Variants in CDH13 observed in about 807,000 individuals in gnomAD.
CDH13 encodes the protein cadherin-13.
A neutral mutation model predicts 63.8 loss-of-function variants in CDH13; 24 were observed. The ratio of observed to expected loss-of-function variants is 0.38; its 90% CI spans 0.27 to 0.53. The LOEUF is 0.53. CDH13 is among the 20% of genes least tolerant of loss of function. The probability of loss-of-function intolerance (pLI) is 0.85; values close to 1 mark genes in which losing one functional copy is unlikely to be tolerated. For synonymous variants in CDH13, 503 were observed against 355.3 expected, an observed-to-expected ratio of 1.42 and a Z score of -4.67; for missense variants, 1,049 against 903.1, an observed-to-expected ratio of 1.16 and a Z score of -2.07.
At chr16:82,729,502 T>C (rs1303233538) in intron 1 of CDH13, among the ~76,000 whole-genome samples, 1 of 152,112 alleles carries the variant, frequency 6.6e-6, no homozygotes, top group Non-Finnish European at 1.5e-5. Context: ...TTTTTTTTTT[T>C]CTGAGCAGTA....
intron 10 of CDH13, among the ~76,000 whole-genome samples, chr16:83,737,591 G>C (rs1911656868): frequency 6.6e-6 from 1 of 152,094 alleles, no homozygotes; most frequent in African/African-American, 2.4e-5. Flanking sequence ...AAGCCCAGCT[G>C]TGGGACATAG....
chr16:83,197,678 G>A (rs778823041), intron 4 of CDH13, among the ~76,000 whole-genome samples: 28 of 152,142 alleles, frequency 1.8e-4, no homozygotes, highest in Non-Finnish European at 2.8e-4. Flanking sequence ...AAGGATCCCA[G>A]TGGGGATGGA....
intron 2 of CDH13, among the ~76,000 whole-genome samples, chr16:82,925,638 C>G (rs900853389): frequency 6.6e-6 from 1 of 152,172 alleles, no homozygotes; most frequent in Non-Finnish European, 1.5e-5. Context: ...TGAACACTGC[C>G]TACCAACATG....
At chr16:83,145,991 C>T (rs1028276894) in intron 4 of CDH13, among the ~76,000 whole-genome samples, 2 of 151,950 alleles carry the variant, frequency 1.3e-5, no homozygotes, top group Non-Finnish European at 2.9e-5. Context: ...GTCGGGAGTT[C>T]GGGACCAACC....
chr16:83,381,467 G>A (rs1004047277), intron 6 of CDH13, among the ~76,000 whole-genome samples: 3 of 151,896 alleles, frequency 2.0e-5, no homozygotes, highest in Admixed American at 6.6e-5. Flanking sequence ...CACCGAGATC[G>A]CATCAGCAAG....
intron 8 of CDH13, among the ~76,000 whole-genome samples, chr16:83,629,985 A>G (rs1410645622): frequency 1.3e-5 from 2 of 152,258 alleles, no homozygotes; most frequent in Non-Finnish European, 2.9e-5. Flanking sequence ...CGTATTTCAT[A>G]GAGCCCTGAT....
At chr16:82,938,381 G>A (rs2042732960) in intron 2 of CDH13, among the ~76,000 whole-genome samples, 1 of 152,208 alleles carries the variant, frequency 6.6e-6, no homozygotes, top group African/African-American at 2.4e-5. Context: ...AATGATCAAT[G>A]TTTCTTTTAG....
chr16:83,272,616 G>T (rs962508765), intron 5 of CDH13, among the ~76,000 whole-genome samples: 2 of 152,138 alleles, frequency 1.3e-5, no homozygotes, highest in African/African-American at 4.8e-5. Flanking sequence ...GACCCACCAG[G>T]CTGCAGAGAG....
rs78416758 is a variant in CDH13, at chr16:83,365,165, C to G, written c.781+20159C>G. On this transcript the variant is annotated intron_variant, in intron 6 of 13. Coordinates refer to ENST00000567109, the MANE Select transcript of CDH13 (RefSeq NM_001257.5). ...GAGCCAGGAAAGCTGATGTGTGGCT[C>G]CAGTCTGAGTCTGAAGTCCTGAGAA... is the stretch of plus-strand genomic sequence containing the variant. Among the ~76,000 whole-genome samples the G allele has an allele frequency of 4.2e-3, 635 of 152,308 alleles. 2 individuals are homozygous for G. The highest frequency in any genetic ancestry group is 7.1e-3 in the Non-Finnish European group (481 of 68,028).
chr16:83,021,952 C>T (rs1042100954), intron 2 of CDH13, among the ~76,000 whole-genome samples: 10 of 152,122 alleles, frequency 6.6e-5, no homozygotes, highest in Admixed American at 1.3e-4. Flanking sequence ...TGGAATTGAA[C>T]GTATGTTAAT....
At chr16:83,441,216 T>C (rs2072470945) in intron 6 of CDH13, among the ~76,000 whole-genome samples, 1 of 152,240 alleles carries the variant, frequency 6.6e-6, no homozygotes, top group Admixed American at 6.5e-5. Context: ...CTGTCATTTG[T>C]TGGCACTCAA....
intron 6 of CDH13, among the ~76,000 whole-genome samples, chr16:83,362,786 C>T (rs566518568): frequency 2.0e-4 from 30 of 152,274 alleles, no homozygotes; most frequent in African/African-American, 6.7e-4. Flanking sequence ...TATACTTATT[C>T]GGCGGTCTCT....
intron 3 of CDH13, among the ~76,000 whole-genome samples, chr16:83,045,139 T>A (rs771759830): frequency 6.6e-6 from 1 of 152,274 alleles, no homozygotes; most frequent in African/African-American, 2.4e-5. Flanking sequence ...AGAGATTAAA[T>A]GACATAGAGT....
intron 7 of CDH13, among the ~76,000 whole-genome samples, chr16:83,544,729 G>A (rs1389315069): frequency 6.6e-6 from 1 of 152,062 alleles, no homozygotes; most frequent in African/African-American, 2.4e-5. Flanking sequence ...CGTAAGTCAG[G>A]GACTCTCTCT....
intron 2 of CDH13, among the ~76,000 whole-genome samples, chr16:83,000,220 C>CTTTTTTTTTTTTTTTTTTTTTTTT (rs1567731430): frequency 5.9e-5 from 2 of 33,948 alleles, no homozygotes; most frequent in East Asian, 9.7e-4. Flanking sequence ...ACAGGTTTAG[C>CTTTTTTTTTTTTTTTTTTTTTTTT]TTATTTTTTT....
intron 6 of CDH13, among the ~76,000 whole-genome samples, chr16:83,431,789 A>T (rs1008858367): frequency 6.6e-6 from 1 of 152,042 alleles, no homozygotes; most frequent in African/African-American, 2.4e-5. Flanking sequence ...ATTCGCAAGA[A>T]TTCACCCCCA....
At chr16:83,223,700 C>T (rs889730) in intron 5 of CDH13, among the ~76,000 whole-genome samples, 91,078 of 152,084 alleles carry the variant, frequency 0.6, 28,001 homozygotes, top group East Asian at 0.95. Flanking sequence ...GAACCTAGAC[C>T]GTAAGCAGGA....
intron 5 of CDH13, among the ~76,000 whole-genome samples, chr16:83,335,269 T>C (rs1342100507): frequency 6.6e-6 from 1 of 152,212 alleles, no homozygotes; most frequent in Non-Finnish European, 1.5e-5. Flanking sequence ...GAGATTCCAC[T>C]ACGGTGATCC....
At chr16:83,628,956 A>T (rs755448489) in intron 8 of CDH13, among the ~76,000 whole-genome samples, 2 of 152,226 alleles carry the variant, frequency 1.3e-5, no homozygotes, top group Non-Finnish European at 2.9e-5. Flanking sequence ...CACCAATATC[A>T]AACATAAGGA....
Sources: allele counts gnomAD v4.1 joint callset (sites outside exome capture counted in the v4.1 genomes callset), GRCh38; gene constraint gnomAD v4.1.1; transcripts MANE v1.5; gene names NCBI Gene and HGNC (gene_info 2026-07-23, HGNC 2026-07-21).